Variants in CCSER1 observed in about 807,000 individuals in gnomAD.
CCSER1 encodes the protein serine-rich coiled-coil domain-containing protein 1.
CCSER1 carries 41 observed loss-of-function variants against 82.0 expected under a neutral mutation model. The ratio of observed to expected loss-of-function variants is 0.50; its 90% CI spans 0.39 to 0.65. The LOEUF (loss-of-function observed/expected upper bound fraction) is 0.65, where lower values mean the gene tolerates loss of function less well. Among genes scored for constraint, CCSER1 ranks in the 30% least tolerant of loss-of-function variants. CCSER1 has a pLI of 0.00. For synonymous variants in CCSER1, 414 were observed against 383.9 expected (o/e 1.08, Z -0.92); for missense variants, 1,119 against 1,064.2 (o/e 1.05, Z -0.72).
rs535553442 is a variant in CCSER1, at chr4:90,885,799, A to G, written c.2095-37571A>G. Among the ~76,000 whole-genome samples the G allele has an allele frequency of 5.9e-5, 9 of 152,318 alleles. No individual in the cohort carries two copies. In the South Asian group the frequency reaches 1.9e-3, roughly 32 times the overall value. On this transcript the variant is annotated intron_variant, in intron 8 of 10. Coordinates refer to ENST00000509176, the MANE Select transcript of CCSER1 (RefSeq NM_001145065.2). The stretch of plus-strand genomic sequence containing the variant: ...ATCAAATCATCAACTGTTACAGCAA[A>G]TCTGCCAAATTAGGAAGAATTCAGC...
chr4:91,195,516 T>A (rs17018210), intron 10 of CCSER1, among the ~76,000 whole-genome samples: 1 of 152,140 alleles, frequency 6.6e-6, no homozygotes, highest in Non-Finnish European at 1.5e-5. Context: ...ACTTGAATCA[T>A]ACCAATATAA....
chr4:90,872,964 T>C (rs1467201334), intron 8 of CCSER1, among the ~76,000 whole-genome samples: 1 of 152,030 alleles, frequency 6.6e-6, no homozygotes, highest in Non-Finnish European at 1.5e-5. Context: ...CTTTGTATGT[T>C]ACTTGTTTCT....
intron 10 of CCSER1, among the ~76,000 whole-genome samples, chr4:91,508,984 C>G (rs1313421221): frequency 6.6e-6 from 1 of 151,346 alleles, no homozygotes; most frequent in Non-Finnish European, 1.5e-5. Flanking sequence ...TGTGTGTTCT[C>G]TCTTTCTAGT....
chr4:91,152,450 T>G (rs1169521882), intron 10 of CCSER1, among the ~76,000 whole-genome samples: 1 of 151,890 alleles, frequency 6.6e-6, no homozygotes, highest in Non-Finnish European at 1.5e-5. Context: ...TACCTTTACC[T>G]TTATGTTTAT....
chr4:90,807,272 C>G (rs1757646410), intron 7 of CCSER1, among the ~76,000 whole-genome samples: 1 of 152,016 alleles, frequency 6.6e-6, no homozygotes, highest in African/African-American at 2.4e-5. Context: ...CAGGTAAAAC[C>G]TTTTACCATT....
chr4:91,402,349 A>G (rs552544255), intron 10 of CCSER1, among the ~76,000 whole-genome samples: 67 of 152,058 alleles, frequency 4.4e-4, no homozygotes, highest in African/African-American at 1.2e-3. Flanking sequence ...TAGGTTGCCT[A>G]TTCACTCTGA....
rs527632783 is a variant in CCSER1, at chr4:90,603,183, G to A, written c.1725-24842G>A. 1.6e-4 allele frequency among the ~76,000 whole-genome samples: 24 copies of A among 152,294 alleles called. 1 individual carries two copies. The highest frequency in any genetic ancestry group is 3.4e-3 in the Middle Eastern group (1 of 294). Reference sequence around the variant, plus strand: ...AAGTTTAGTAGAAGAAAATAGAAGCGTATGCAGTGGCTGGAGGAGTAGGGC... The same window carrying A: ...AAGTTTAGTAGAAGAAAATAGAAGCATATGCAGTGGCTGGAGGAGTAGGGC... On this transcript the variant is annotated intron_variant, in intron 5 of 10. Transcript: ENST00000509176.
intron 10 of CCSER1, among the ~76,000 whole-genome samples, chr4:91,590,198 T>C (rs760872051): frequency 6.6e-6 from 1 of 152,078 alleles, no homozygotes; most frequent in Non-Finnish European, 1.5e-5. Context: ...GAATTTAGTA[T>C]ACCCTAAAGA....
At chr4:90,242,486 A>T (rs917969211) in intron 1 of CCSER1, among the ~76,000 whole-genome samples, 1 of 152,214 alleles carries the variant, frequency 6.6e-6, no homozygotes, top group Non-Finnish European at 1.5e-5. Flanking sequence ...ATTTATTTAG[A>T]ACAAAAAAGC....
intron 6 of CCSER1, among the ~76,000 whole-genome samples, chr4:90,703,132 A>G (rs1358752866): frequency 6.6e-6 from 1 of 152,190 alleles, no homozygotes; most frequent in East Asian, 1.9e-4. Flanking sequence ...TTCCCTCTAC[A>G]CACAGCTTTT....
At chr4:90,865,697 T>C (rs973610269) in intron 8 of CCSER1, among the ~76,000 whole-genome samples, 35 of 152,158 alleles carry the variant, frequency 2.3e-4, no homozygotes, top group African/African-American at 7.9e-4. Flanking sequence ...TTATAAATCA[T>C]TTAACACCTA....
intron 10 of CCSER1, among the ~76,000 whole-genome samples, chr4:91,095,176 G>T (rs1173191340): frequency 6.6e-6 from 1 of 152,166 alleles, no homozygotes; most frequent in African/African-American, 2.4e-5. Flanking sequence ...TTTGAGCCCG[G>T]TCCCCTTCAG....
chr4:90,818,838 G>A (rs1759371339), intron 8 of CCSER1, among the ~76,000 whole-genome samples: 3 of 151,966 alleles, frequency 2.0e-5, no homozygotes, highest in Non-Finnish European at 4.4e-5. Flanking sequence ...CCAATGAAAT[G>A]GTATGTTATA....
chr4:90,351,890 T>C (rs1743510742), intron 3 of CCSER1, among the ~76,000 whole-genome samples: 1 of 152,240 alleles, frequency 6.6e-6, no homozygotes, highest in Non-Finnish European at 1.5e-5. Context: ...GATCTGTGGA[T>C]GGATGACTTC....
At chr4:90,771,741 A>G (rs571371621) in intron 7 of CCSER1, among the ~76,000 whole-genome samples, 2 of 152,070 alleles carry the variant, frequency 1.3e-5, no homozygotes, top group African/African-American at 2.4e-5. Context: ...GGCATGGGAA[A>G]TTGGCTTTCT....
intron 7 of CCSER1, among the ~76,000 whole-genome samples, chr4:90,782,685 C>T (rs58631508): frequency 0.3 from 40,509 of 133,030 alleles, 7,701 homozygotes; most frequent in African/African-American, 0.53. Flanking sequence ...TTCTTTCTTT[C>T]TTTTTTTTTT....
At chr4:90,696,398 AT>A (rs34115601) in intron 6 of CCSER1, among the ~76,000 whole-genome samples, 58,372 of 151,362 alleles carry the variant, frequency 0.39, 11,615 homozygotes, top group Non-Finnish European at 0.44. Flanking sequence ...GAAACTGGTA[AT>A]TTTTTTTTAA....
At chr4:91,498,021 T>C (rs1240208884) in intron 10 of CCSER1, among the ~76,000 whole-genome samples, 6 of 152,006 alleles carry the variant, frequency 3.9e-5, no homozygotes, top group Non-Finnish European at 7.4e-5. Flanking sequence ...GCAAAACCAC[T>C]GTGAACAGAT....
intron 1 of CCSER1, among the ~76,000 whole-genome samples, chr4:90,211,903 CTTA>C (rs1740082638): frequency 6.6e-6 from 1 of 152,066 alleles, no homozygotes; most frequent in Non-Finnish European, 1.5e-5. Flanking sequence ...AACAAATAAT[CTTA>C]AAGTTGGACG....
Sources: allele counts gnomAD v4.1 joint callset (sites outside exome capture counted in the v4.1 genomes callset), GRCh38; gene constraint gnomAD v4.1.1; transcripts MANE v1.5; gene names NCBI Gene and HGNC (gene_info 2026-07-23, HGNC 2026-07-21).